Variants in METTL24 observed in about 807,000 individuals in gnomAD.
METTL24 encodes the protein probable methyltransferase-like protein 24.
METTL24 carries 29 observed loss-of-function variants against 32.7 expected under a neutral mutation model. The observed-to-expected ratio is 0.89, with a 90% confidence interval of 0.66 to 1.21. METTL24 has a LOEUF of 1.21. METTL24 is among the 50% of genes most tolerant of loss of function. The pLI is 0.00. For missense variants in METTL24, 439 were observed against 468.1 expected (o/e 0.94, Z 0.57); for synonymous variants, 163 against 179.5 (o/e 0.91, Z 0.73).
intron 4 of METTL24, among the ~76,000 whole-genome samples, chr6:110,287,553 G>T (rs1478687604): frequency 1.3e-5 from 2 of 152,124 alleles, no homozygotes; most frequent in African/African-American, 2.4e-5. Context: ...GAATCACCTG[G>T]ACTTCCACCT....
chr6:110,351,342 C>A (rs1772598612), intron 1 of METTL24, among the ~76,000 whole-genome samples: 3 of 152,130 alleles, frequency 2.0e-5, no homozygotes, highest in Non-Finnish European at 4.4e-5. Flanking sequence ...AAAGTGCCAA[C>A]TTATTGCCAA....
intron 4 of METTL24, among the ~76,000 whole-genome samples, chr6:110,263,781 C>A (rs1429079303): frequency 6.6e-6 from 1 of 152,102 alleles, no homozygotes; most frequent in Non-Finnish European, 1.5e-5. Flanking sequence ...AGATATAGAC[C>A]AATGGAACAG....
At chr6:110,345,514 A>G (rs1415823791) in intron 1 of METTL24, among the ~76,000 whole-genome samples, 1 of 152,220 alleles carries the variant, frequency 6.6e-6, no homozygotes, top group Non-Finnish European at 1.5e-5. Context: ...TAGCAAAGAC[A>G]TGGAATCAAC....
At chr6:110,316,883 C>T (rs1324192341) in intron 2 of METTL24, among the ~76,000 whole-genome samples, 1 of 151,946 alleles carries the variant, frequency 6.6e-6, no homozygotes, top group African/African-American at 2.4e-5. Context: ...CAAGACCAGA[C>T]CCTGTCTCAA....
chr6:110,246,056 G>T lies in METTL24; in HGVS notation c.991C>A (p.Leu331Ile). 1 of 1,614,164 alleles carries T rather than the reference G, an allele frequency of 6.2e-7. No homozygotes were observed. The highest frequency in any genetic ancestry group is 8.5e-7 in the Non-Finnish European group (1 of 1,180,034). ...LKELEQKDFR[L>I]FHSYKDLSKP... ...GATAAGTCTTTGTAACTGTGAAAAAGCCTGAAATCCTTTTGTTCTAACTCT... is the reference window on the plus strand; with the variant it reads ...GATAAGTCTTTGTAACTGTGAAAAATCCTGAAATCCTTTTGTTCTAACTCT... The change falls in exon 5 of 5, where the codon CTT becomes ATT. Residue 331 changes from leucine (L) to isoleucine (I), a missense_variant. Physicochemically the swap from Leu to Ile is conservative, Grantham distance 5 (BLOSUM62 2). Coordinates refer to ENST00000338882, the MANE Select transcript of METTL24 (RefSeq NM_001123364.3).
At chr6:110,265,883 T>TCTTCCTCCTCCTCCTCCTC (rs55914725) in intron 4 of METTL24, among the ~76,000 whole-genome samples, 21,863 of 149,804 alleles carry the variant, frequency 0.15, 1,731 homozygotes, top group African/African-American at 0.22. Context: ...TCCTTCTTCC[T>TCTTCCTCCTCCTCCTCCTC]CTTCCTCCTC....
At chr6:110,301,695 T>C (rs1771519644) in intron 3 of METTL24, among the ~76,000 whole-genome samples, 1 of 152,134 alleles carries the variant, frequency 6.6e-6, no homozygotes, top group East Asian at 1.9e-4. Context: ...AGTAAAGACA[T>C]ACAAGCAACA....
intron 4 of METTL24, among the ~76,000 whole-genome samples, chr6:110,284,626 T>A (rs1771189392): frequency 6.6e-6 from 1 of 152,192 alleles, no homozygotes; most frequent in Admixed American, 6.6e-5. Context: ...TGAAGGTTTC[T>A]TATTATGGTT....
At chr6:110,264,964 G>A (rs984570047) in intron 4 of METTL24, among the ~76,000 whole-genome samples, 39 of 152,064 alleles carry the variant, frequency 2.6e-4, no homozygotes, top group African/African-American at 8.7e-4. Context: ...ACACACTGGG[G>A]CCTGTTGTGG....
intron 4 of METTL24, among the ~76,000 whole-genome samples, chr6:110,289,124 G>A (rs142901197): frequency 4.3e-4 from 65 of 152,230 alleles, no homozygotes; most frequent in Non-Finnish European, 7.6e-4. Flanking sequence ...AAGTCACTAG[G>A]CAGAGAAGGG....
chr6:110,245,939 C>G lies in METTL24; in HGVS notation c.*7G>C, dbSNP rs1349975147. On this transcript the variant is annotated 3_prime_UTR_variant, in exon 5 of 5. Coordinates refer to ENST00000338882, the MANE Select transcript of METTL24 (RefSeq NM_001123364.3). Reference sequence around the variant, plus strand: ...ATTTTCTTGTGCTCTTGATGACATCCTGCATCCTATTTCCATCTTGTATTC... The same window carrying G: ...ATTTTCTTGTGCTCTTGATGACATCGTGCATCCTATTTCCATCTTGTATTC... The G allele has an allele frequency of 6.2e-7, 1 of 1,601,360 alleles. No individual in the cohort carries two copies. Among genetic ancestry groups the G allele is most frequent in the Non-Finnish European group, 8.5e-7 (1 of 1,173,246 alleles).
intron 4 of METTL24, among the ~76,000 whole-genome samples, chr6:110,297,184 T>C (rs990431746): frequency 6.6e-6 from 1 of 152,204 alleles, no homozygotes; most frequent in Non-Finnish European, 1.5e-5. Context: ...TTTCTAGGCA[T>C]CATTGTAAAT....
chr6:110,273,867 T>C (rs1003077236), intron 4 of METTL24, among the ~76,000 whole-genome samples: 2 of 152,214 alleles, frequency 1.3e-5, no homozygotes. Flanking sequence ...CCAATCCCAC[T>C]ACTGGGTATC....
intron 2 of METTL24, among the ~76,000 whole-genome samples, chr6:110,319,660 G>A (rs1395634318): frequency 6.6e-6 from 1 of 151,866 alleles, no homozygotes; most frequent in African/African-American, 2.4e-5. Context: ...CTTGTTAGCA[G>A]CAGACAGTGT....
At chr6:110,275,300 C>T (rs796481648) in intron 4 of METTL24, among the ~76,000 whole-genome samples, 2 of 152,050 alleles carry the variant, frequency 1.3e-5, no homozygotes, top group Non-Finnish European at 2.9e-5. Context: ...AGCCCAACCC[C>T]CCTTTCTTGC....
At chr6:110,352,734 A>G (rs1186938697) in intron 1 of METTL24, among the ~76,000 whole-genome samples, 2 of 152,174 alleles carry the variant, frequency 1.3e-5, no homozygotes, top group East Asian at 3.8e-4. Context: ...TAAGTAAAAC[A>G]GGCTCATGTT....
chr6:110,269,872 G>A (rs756274827), intron 4 of METTL24, among the ~76,000 whole-genome samples: 1 of 152,150 alleles, frequency 6.6e-6, no homozygotes, highest in Non-Finnish European at 1.5e-5. Context: ...ACAAGGAAGA[G>A]GAGTGTTCTA....
Position 110,322,838 on chromosome 6 carries a change from G to T in METTL24, c.353C>A (p.Ala118Glu). 1 of 1,613,874 alleles carries T rather than the reference G, an allele frequency of 6.2e-7. No homozygotes were observed. The highest frequency in any genetic ancestry group is 8.5e-7 in the Non-Finnish European group (1 of 1,179,834). Residue 118 changes from alanine (A) to glutamate (E), a missense_variant, in exon 2 of 5, where the codon GCA becomes GAA. Physicochemically the swap from Ala to Glu is moderately radical, Grantham distance 107. Transcript: ENST00000338882. Reference sequence around the variant, plus strand: ...TTCATCCAGGGACTGAGCAGAGCCTGCCCAAGGCTGGAGATCTATATGCCA... The same window carrying T: ...TTCATCCAGGGACTGAGCAGAGCCTTCCCAAGGCTGGAGATCTATATGCCA... ...PRWHIDLQPW[A>E]GSAQSLDEEA... is the part of the protein sequence containing the mutation.
intron 4 of METTL24, among the ~76,000 whole-genome samples, chr6:110,256,649 C>A (rs1373154992): frequency 1.3e-5 from 2 of 152,128 alleles, no homozygotes; most frequent in Admixed American, 6.6e-5. Context: ...TCTGTGATCA[C>A]CTTGCTTCAG....
Sources: gnomAD v4.1 joint callset for allele counts (sites outside exome capture counted in the v4.1 genomes callset) on GRCh38, gnomAD v4.1.1 for gene constraint, MANE v1.5 for transcripts, NCBI Gene and HGNC (gene_info 2026-07-23, HGNC 2026-07-21) for gene names.